NAA35: variants seen among roughly 807,000 people sequenced by gnomAD.
NAA35 encodes the protein N-alpha-acetyltransferase 35, NatC auxiliary subunit.
A neutral mutation model predicts 101.7 loss-of-function variants in NAA35; 18 were observed. That is an observed-to-expected ratio of 0.18 (90% CI 0.12 to 0.26). The LOEUF (loss-of-function observed/expected upper bound fraction) is 0.26, where lower values mean the gene tolerates loss of function less well. NAA35 is among the 10% of genes least tolerant of loss of function. The pLI is 1.00. For missense variants in NAA35, 601 were observed against 886.8 expected, an observed-to-expected ratio of 0.68 and a Z score of 4.09; for synonymous variants, 267 against 273.1, an observed-to-expected ratio of 0.98 and a Z score of 0.22.
rs181557707 is a variant in NAA35 at position 85,977,278 on chromosome 9, A to C, written c.679-85A>C. The C allele has an allele frequency of 2.4e-3, 2,243 of 925,440 alleles. 65 individuals are homozygous for C. In the South Asian group the frequency reaches 0.028, roughly 11 times the overall value. 57.3% of individuals were successfully genotyped at this position (925,440 alleles called of 1,614,324 possible). A position where few individuals can be genotyped will look rare whatever the true frequency, so the allele number is the denominator to read the frequency against. On this transcript the variant is annotated intron_variant, in intron 9 of 22. Transcript: ENST00000361671. ...GTAATGTAGTAAGTTATTAACATTG[A>C]GATTTAGGAGTTAATATATTTTAAA...
intron 11 of NAA35, among the ~76,000 whole-genome samples, chr9:85,990,791 C>T (rs1366926963): frequency 6.6e-6 from 1 of 152,208 alleles, no homozygotes; most frequent in African/African-American, 2.4e-5. Context: ...TAGGAGTAGC[C>T]TGACATAAGG....
At chr9:85,952,573 T>C (rs1829070079) in intron 2 of NAA35, among the ~76,000 whole-genome samples, 1 of 152,094 alleles carries the variant, frequency 6.6e-6, no homozygotes, top group South Asian at 2.1e-4. Context: ...GCGTGAGCCA[T>C]TGTGCCTGGC....
In NAA35 at chr9:86,018,689, T is replaced by G; in HGVS notation, c.1915-10T>G. 1.2e-6 allele frequency: 2 copies of G among 1,607,250 alleles called. No homozygotes were observed. The highest frequency in any genetic ancestry group is 1.7e-6 in the Non-Finnish European group (2 of 1,178,306). ...AACGTGTTTTGAATTATACTTCCCC[T>G]TCTTTTTAGGAAATGTCTGACCTCA... On this transcript the variant is annotated splice_polypyrimidine_tract_variant and intron_variant, in intron 20 of 22. Coordinates refer to ENST00000361671, the MANE Select transcript of NAA35 (RefSeq NM_024635.4).
At position 85,990,075 on chromosome 9, in the gene NAA35, G is replaced by A. The variant is rs1235406946; in HGVS notation, c.878-6324G>A. On this transcript the variant is annotated intron_variant, in intron 11 of 22. Transcript: ENST00000361671. ...ACTTAGCTCATGGTTCTGCAGCCTG[G>A]GAATTTCAAGATTCATGGTGCATGC... is the stretch of plus-strand genomic sequence containing the variant. 7.2e-5 allele frequency among the ~76,000 whole-genome samples: 11 copies of A among 152,178 alleles called. 1 individual carries two copies. The highest frequency in any genetic ancestry group is 7.2e-4 in the Admixed American group (11 of 15,278).
At chr9:85,955,344 A>G (rs1400782821) in intron 2 of NAA35, among the ~76,000 whole-genome samples, 17 of 67,350 alleles carry the variant, frequency 2.5e-4, no homozygotes, top group African/African-American at 1.1e-3. Context: ...ATATATATAT[A>G]TATATATATA....
At chr9:86,010,653 C>T (rs1454162421) in intron 15 of NAA35, among the ~76,000 whole-genome samples, 1 of 147,400 alleles carries the variant, frequency 6.8e-6, no homozygotes, top group Non-Finnish European at 1.5e-5. Flanking sequence ...TGGCTCACTG[C>T]AAGCTCCGCC....
chr9:85,956,271 C>A, intron 2 of NAA35, 89 bp from the exon 3 acceptor site: 1 of 738,194 alleles, frequency 1.4e-6, no homozygotes, highest in South Asian at 1.8e-5. Context: ...AATACAAGCA[C>A]ATCTTTTCAG....
intron 14 of NAA35, among the ~76,000 whole-genome samples, chr9:86,008,794 T>A (rs893077954): frequency 6.6e-6 from 1 of 152,240 alleles, no homozygotes; most frequent in Non-Finnish European, 1.5e-5. Flanking sequence ...TTGAAACTTC[T>A]TCTGAAGCGT....
chr9:86,021,751 C>T (rs1832569302), intron 22 of NAA35, 150 bp from the exon 23 acceptor site: 1 of 641,254 alleles, frequency 1.6e-6, no homozygotes, highest in Admixed American at 3.3e-5. Context: ...TAGTTCCTAC[C>T]TTTTTTGTCA....
At chr9:85,991,968 A>G (rs1003458866) in intron 11 of NAA35, among the ~76,000 whole-genome samples, 3 of 152,112 alleles carry the variant, frequency 2.0e-5, no homozygotes, top group East Asian at 3.9e-4. Context: ...AGGTCAGGAG[A>G]TCAAGACTAT....
chr9:85,996,533 ACTGT>A lies in NAA35; in HGVS notation c.1017_1020del (p.Cys340ArgfsTer3). On this transcript the variant is annotated frameshift_variant, in exon 12 of 23. Coordinates refer to ENST00000361671, the MANE Select transcript of NAA35 (RefSeq NM_024635.4). LOFTEE classifies it high-confidence loss of function. ...TGCAAGATTAATAGATAGAATAAAA[ACTGT>A]CTGTGAGGTTGTGAATTTAACAAAT... is the stretch of plus-strand genomic sequence containing the variant. 6.3e-7 allele frequency: 1 copy of A among 1,598,832 alleles called. No individual in the cohort carries two copies. Among genetic ancestry groups the A allele is most frequent in the Non-Finnish European group, 8.5e-7 (1 of 1,175,894 alleles).
In NAA35 at chr9:86,024,200, G is replaced by A. The variant is rs1161714346; in HGVS notation, c.*2240G>A. Among the ~76,000 whole-genome samples the A allele has an allele frequency of 6.6e-6, 1 of 152,154 alleles. No individual in the cohort carries two copies. Among genetic ancestry groups the A allele is most frequent in the Non-Finnish European group, 1.5e-5 (1 of 68,026 alleles). On this transcript the variant is annotated 3_prime_UTR_variant, in exon 23 of 23. Transcript: ENST00000361671. ...ATGCTGTATGCTGGGTAGGAGAACT[G>A]CCCCACGTGAAACTTTAGGTGACAA...
rs563926352 is a variant in NAA35 at position 86,011,459 on chromosome 9, A to G, written c.1290+1528A>G. Among the ~76,000 whole-genome samples, 228 of 150,890 alleles carry G rather than the reference A, an allele frequency of 1.5e-3. 1 individual carries two copies. The Middle Eastern group carries it at 0.027, about 18-fold the overall frequency. On this transcript the variant is annotated intron_variant, in intron 15 of 22. Transcript: ENST00000361671. The stretch of plus-strand genomic sequence containing the variant: ...CTGCAACCTCTACCCCCTGGGTTCA[A>G]GCAATCCTCCCACCTCAGCATTCGG...
At chr9:85,991,741 C>G (rs1830920851) in intron 11 of NAA35, among the ~76,000 whole-genome samples, 4 of 152,110 alleles carry the variant, frequency 2.6e-5, no homozygotes. Context: ...TATCAAGGTC[C>G]TATTTCTACT....
At chr9:85,998,403 A>G (rs373186679) in intron 12 of NAA35, among the ~76,000 whole-genome samples, 4 of 152,208 alleles carry the variant, frequency 2.6e-5, no homozygotes, top group East Asian at 1.9e-4. Context: ...TTTAAATTTC[A>G]TATTAAATTA....
At chr9:85,952,348 C>A (rs1408625212) in intron 2 of NAA35, among the ~76,000 whole-genome samples, 4 of 149,060 alleles carry the variant, frequency 2.7e-5, no homozygotes, top group African/African-American at 9.9e-5. Flanking sequence ...TGCAGTGGCG[C>A]CATCTCGGCT....
At chr9:85,980,458 G>T (rs891348818) in intron 11 of NAA35, among the ~76,000 whole-genome samples, 4 of 152,088 alleles carry the variant, frequency 2.6e-5, no homozygotes, top group African/African-American at 9.7e-5. Flanking sequence ...ACAGCACTCG[G>T]AGAGTCTAAG....
At chr9:85,955,867 A>G (rs1425696646) in intron 2 of NAA35, among the ~76,000 whole-genome samples, 1 of 152,210 alleles carries the variant, frequency 6.6e-6, no homozygotes, top group African/African-American at 2.4e-5. Flanking sequence ...ACTGCTTTAT[A>G]GGGATTGAAC....
chr9:85,956,895 A>C (rs1261044351), intron 3 of NAA35, among the ~76,000 whole-genome samples: 1 of 152,196 alleles, frequency 6.6e-6, no homozygotes, highest in Non-Finnish European at 1.5e-5. Flanking sequence ...GGCTGCTTCA[A>C]CTCATGGTGG....
Sources: allele counts gnomAD v4.1 joint callset (sites outside exome capture counted in the v4.1 genomes callset), GRCh38; gene constraint gnomAD v4.1.1; transcripts MANE v1.5; gene names NCBI Gene and HGNC (gene_info 2026-07-23, HGNC 2026-07-21).